ZNF253: variants seen among roughly 807,000 people sequenced by gnomAD.
ZNF253 encodes the protein DNA-binding protein.
ZNF253 carries 8 observed loss-of-function variants against 11.9 expected under a neutral mutation model. The observed-to-expected ratio is 0.67, with a 90% CI of 0.40 to 1.22. ZNF253 has a LOEUF of 1.22. Among genes scored for constraint, ZNF253 ranks in the 50% most tolerant of loss-of-function variants. The pLI is 0.01. For missense variants in ZNF253, 485 were observed against 586.9 expected (o/e 0.83, Z 1.79); for synonymous variants, 194 against 194.9 (o/e 1.00, Z 0.04).
In ZNF253 at chr19:19,894,267, A is replaced by T. The variant is rs2063245407; in HGVS notation, c.*1520A>T. ...CTTGAAAAAATTTTTTTGAAAAGTGAATAATGATATAATACAGCTTTCACA... is the reference window on the plus strand; with the variant it reads ...CTTGAAAAAATTTTTTTGAAAAGTGTATAATGATATAATACAGCTTTCACA... On this transcript the variant is annotated 3_prime_UTR_variant, in exon 4 of 4. Coordinates refer to ENST00000589717, the MANE Select transcript of ZNF253 (RefSeq NM_021047.3). 6.6e-6 allele frequency: 1 copy of T among 152,212 alleles called. No homozygotes were observed. The highest frequency in any genetic ancestry group is 6.5e-5 in the Admixed American group (1 of 15,286). 9.4% of individuals were successfully genotyped at this position (152,212 alleles called of 1,614,324 possible). A position where few individuals can be genotyped will look rare whatever the true frequency, so the allele number is the denominator to read the frequency against.
intron 3 of ZNF253, among the ~76,000 whole-genome samples, chr19:19,889,403 G>C (rs901220588): frequency 6.6e-6 from 1 of 152,060 alleles, no homozygotes; most frequent in African/African-American, 2.4e-5. Context: ...CTAGAGTGCA[G>C]TGGCATGATC....
Position 19,880,104 on chromosome 19 carries a change from C to T in ZNF253, c.184C>T (p.Pro62Ser). The T allele has an allele frequency of 6.2e-7, 1 of 1,609,026 alleles. No individual in the cohort carries two copies. Among genetic ancestry groups the T allele is most frequent in the South Asian group, 1.1e-5 (1 of 90,580 alleles). ...TACCTGTCTGGAGCAAGGAAAAAAA[C>T]CTTTAACTATGGAAAGACATGAGAT... is the stretch of plus-strand genomic sequence containing the variant. ...LVTCLEQGKK[P>S]LTMERHEMIA... The change falls in exon 3 of 4, where the codon CCT becomes TCT. Residue 62 changes from proline (P) to serine (S), a missense_variant. This residue lies in a region of ZNF253 where 218 missense variants were observed against 213.1 expected (regional missense o/e 1.02). Coordinates refer to ENST00000589717, the MANE Select transcript of ZNF253 (RefSeq NM_021047.3).
At chr19:19,880,495 A>G (rs1288596223) in intron 3 of ZNF253, among the ~76,000 whole-genome samples, 2 of 152,100 alleles carry the variant, frequency 1.3e-5, no homozygotes, top group Non-Finnish European at 2.9e-5. Context: ...ACGGGAGGTC[A>G]GAAGTTCGTG....
At position 19,891,728 on chromosome 19, in the gene ZNF253, A is replaced by C; in HGVS notation, c.481A>C (p.Thr161Pro). Residue 161 changes from threonine to proline, a missense_variant, in exon 4 of 4, where the codon ACA becomes CCA. By Grantham distance (38) the Thr-to-Pro change is conservative. Around this residue, in one of 3 missense-constraint regions of ZNF253, gnomAD observed 218 missense variants for 213.1 expected, o/e 1.02. Transcript: ENST00000589717. Reference protein sequence around the residue: ...KVFHKFSNSNTYKTRHTGINL... With the variant: ...KVFHKFSNSNPYKTRHTGINL... ...CTTTCATAAGTTTTCAAATTCAAAC[A>C]CATATAAGACAAGACATACTGGAAT... 1 of 1,614,128 alleles carries C rather than the reference A, an allele frequency of 6.2e-7. No individual in the cohort carries two copies. The highest frequency in any genetic ancestry group is 1.1e-5 in the South Asian group (1 of 91,078).
At position 19,869,698 on chromosome 19, in the gene ZNF253, C is replaced by G. The variant is rs895572294; in HGVS notation, c.3+3699C>G. On this transcript the variant is annotated intron_variant, in intron 1 of 3. Transcript: ENST00000589717. The stretch of plus-strand genomic sequence containing the variant: ...TTTTTTTTTTTTTTTAAAAAACAGT[C>G]TTACTCTGTTGCCCAGGCTGGAGTG... Among the ~76,000 whole-genome samples the G allele has an allele frequency of 5.0e-5, 5 of 100,230 alleles. No individual in the cohort carries two copies. The Admixed American group carries it at 5.8e-4, about 12-fold the overall frequency. 65.8% of individuals were successfully genotyped at this position (100,230 alleles called of 152,430 possible).
At chr19:19,866,108 C>A in intron 1 of ZNF253, 109 bp downstream of exon 1, 1 of 1,458,364 alleles carries the variant, frequency 6.9e-7, no homozygotes, top group Non-Finnish European at 9.5e-7. Context: ...AATCTGCCGC[C>A]GGAGTTCTCC....
chr19:19,872,902 C>T (rs1166841887), intron 1 of ZNF253, among the ~76,000 whole-genome samples: 1 of 151,922 alleles, frequency 6.6e-6, no homozygotes, highest in Non-Finnish European at 1.5e-5. Flanking sequence ...TGCTGTAACA[C>T]CAAAGGATGC....
chr19:19,881,402 A>C (rs1443258653), intron 3 of ZNF253, among the ~76,000 whole-genome samples: 1 of 152,054 alleles, frequency 6.6e-6, no homozygotes, highest in East Asian at 1.9e-4. Context: ...TAATCCTAGC[A>C]CTTTGGGAGA....
chr19:19,874,488 C>T (rs140716733), intron 1 of ZNF253, among the ~76,000 whole-genome samples: 7 of 151,988 alleles, frequency 4.6e-5, no homozygotes, highest in Non-Finnish European at 7.4e-5. Context: ...CATGCCAGTG[C>T]GCTCCAGCCT....
At chr19:19,875,364 T>G (rs2063150616) in intron 1 of ZNF253, among the ~76,000 whole-genome samples, 1 of 151,402 alleles carries the variant, frequency 6.6e-6, no homozygotes, top group Non-Finnish European at 1.5e-5. Flanking sequence ...ATAAACAGAA[T>G]AAAATTTTCT....
At chr19:19,887,558 C>T (rs1392865436) in intron 3 of ZNF253, among the ~76,000 whole-genome samples, 1 of 151,544 alleles carries the variant, frequency 6.6e-6, no homozygotes, top group African/African-American at 2.4e-5. Flanking sequence ...TGTCCTTCTT[C>T]GTCTTTTTGA....
intron 2 of ZNF253, among the ~76,000 whole-genome samples, chr19:19,879,113 A>C (rs1186609027): frequency 6.6e-6 from 1 of 152,186 alleles, no homozygotes; most frequent in African/African-American, 2.4e-5. Flanking sequence ...TATGTACCAA[A>C]TAGTATATTG....
intron 1 of ZNF253, among the ~76,000 whole-genome samples, chr19:19,871,726 T>C (rs1379784895): frequency 6.6e-6 from 1 of 152,208 alleles, no homozygotes; most frequent in Admixed American, 6.5e-5. Flanking sequence ...ACCATCTTTC[T>C]GTCTTTGGAG....
chr19:19,866,093 T>C, intron 1 of ZNF253, 94 bp downstream of exon 1: 1 of 1,540,726 alleles, frequency 6.5e-7, no homozygotes, highest in Non-Finnish European at 8.9e-7. Context: ...CACAGTCAGC[T>C]CCACAATCTG....
intron 1 of ZNF253, among the ~76,000 whole-genome samples, chr19:19,866,927 G>A (rs969993720): frequency 6.6e-6 from 1 of 152,032 alleles, no homozygotes; most frequent in Admixed American, 6.6e-5. Flanking sequence ...TACGGAGCGG[G>A]TGTCTAGGTA....
At position 19,892,789 on chromosome 19, in the gene ZNF253, A is replaced by G. The variant is rs752948345; in HGVS notation, c.*42A>G. On this transcript the variant is annotated 3_prime_UTR_variant, in exon 4 of 4. Transcript: ENST00000589717. ...ACCCTATGAATGTGATGAATGTGGG[A>G]AAGCCTTTAACCAGCCCTCGACTCT... The G allele has an allele frequency of 3.9e-6, 6 of 1,532,766 alleles. No individual in the cohort carries two copies. The African/African-American group carries it at 8.3e-5, about 21-fold the overall frequency. 94.9% of individuals were successfully genotyped at this position (1,532,766 alleles called of 1,614,324 possible).
At chr19:19,887,422 G>A (rs1179505719) in intron 3 of ZNF253, among the ~76,000 whole-genome samples, 1 of 151,992 alleles carries the variant, frequency 6.6e-6, no homozygotes, top group Non-Finnish European at 1.5e-5. Context: ...TCAGCCTTCT[G>A]AGTAGCTGGG....
chr19:19,879,085 C>G (rs969400093), intron 2 of ZNF253, among the ~76,000 whole-genome samples: 2 of 152,130 alleles, frequency 1.3e-5, no homozygotes, highest in Non-Finnish European at 2.9e-5. Context: ...AAAGTGATTA[C>G]TAGACATGAT....
chr19:19,878,613 G>A lies in ZNF253; in HGVS notation c.130+6G>A. ...CAGAAACTTGGTCTTCCTTGGTGAG[G>A]ACAACTTGAATATATAATTCATAAT... On this transcript the variant is annotated splice_donor_region_variant and intron_variant, in intron 2 of 3. Transcript: ENST00000589717. 5 of 1,608,696 alleles carry A rather than the reference G, an allele frequency of 3.1e-6. No homozygotes were observed. The highest frequency in any genetic ancestry group is 3.4e-6 in the Non-Finnish European group (4 of 1,178,264).
Sources: gnomAD v4.1 joint callset for allele counts (sites outside exome capture counted in the v4.1 genomes callset) on GRCh38, gnomAD v4.1.1 for gene constraint, gnomAD v4.1.1 regional missense constraint, MANE v1.5 for transcripts, NCBI Gene and HGNC (gene_info 2026-07-23, HGNC 2026-07-21) for gene names.